Variants in PUDP observed in about 807,000 individuals in gnomAD.
PUDP encodes pseudouridine-5'-phosphatase.
Under a neutral mutation model 9.4 loss-of-function variants are expected in PUDP, and 8 were observed. The ratio of observed to expected loss-of-function variants is 0.85; its 90% CI spans 0.50 to 1.53. PUDP has a LOEUF of 1.53. Among genes scored for constraint, PUDP ranks in the 40% most tolerant of loss-of-function variants. The pLI is 0.00. For synonymous variants in PUDP, 99 were observed against 80.7 expected (o/e 1.23, Z -1.22); for missense variants, 188 against 189.7 (o/e 0.99, Z 0.05).
At chrX:6,755,854 C>T (rs1354793664) in intron 3 of PUDP, among the ~76,000 whole-genome samples, 4 of 109,110 alleles carry the variant, frequency 3.7e-5, no homozygotes, top group Non-Finnish European at 7.6e-5. Context: ...ACGAGAGAGG[C>T]ATCCAAGTGG....
intron 3 of PUDP, among the ~76,000 whole-genome samples, chrX:6,944,747 T>C (rs1416063470): frequency 1.8e-5 from 2 of 111,131 alleles, no homozygotes; most frequent in Non-Finnish European, 3.8e-5. Context: ...ATGGATCCAC[T>C]GGCATGTAGA....
In PUDP at chrX:7,129,963, T is replaced by C. The variant is rs529324365; in HGVS notation, c.61+18090A>G. 8.1e-5 allele frequency among the ~76,000 whole-genome samples: 9 copies of C among 111,561 alleles called. No individual in the cohort carries two copies. In the South Asian group the frequency reaches 3.4e-3, roughly 43 times the overall value. ...ACACGGAGCACCGCCCAACAAATGG[T>C]TATTTTCCATGTTTATCCCCGGCAT... On this transcript the variant is annotated intron_variant, in intron 1 of 3. Coordinates refer to ENST00000381077, the MANE Select transcript of PUDP (RefSeq NM_012080.5).
chrX:6,882,188 T>C lies in PUDP; in HGVS notation c.*247+94945A>G, dbSNP rs147726943. The stretch of plus-strand genomic sequence containing the variant: ...GGGGAATCTCACCACTCCTGTATTG[T>C]GTATCACGTGAGACATTTGATAACA... On this transcript the variant is annotated intron_variant and NMD_transcript_variant, in intron 3 of 3. Transcript: ENST00000655425. 6.9e-4 allele frequency among the ~76,000 whole-genome samples: 76 copies of C among 110,862 alleles called. 1 individual carries two copies. Among genetic ancestry groups the C allele is most frequent in the Non-Finnish European group, 1.4e-3 (72 of 52,958 alleles).
At chrX:6,719,911 A>G (rs1459611615) in intron 1 of PUDP, among the ~76,000 whole-genome samples, 1 of 110,899 alleles carries the variant, frequency 9.0e-6, no homozygotes, top group Non-Finnish European at 1.9e-5. Flanking sequence ...AGGTTCCTCA[A>G]AAAGTTAAAA....
intron 3 of PUDP, among the ~76,000 whole-genome samples, chrX:6,793,726 A>G: frequency 9.0e-6 from 1 of 111,366 alleles, no homozygotes; most frequent in Middle Eastern, 4.7e-3. Flanking sequence ...AACCCCAGCC[A>G]TGGCTAATGC....
At chrX:6,829,384 A>G (rs934070270) in intron 3 of PUDP, among the ~76,000 whole-genome samples, 8 of 111,828 alleles carry the variant, frequency 7.2e-5, no homozygotes, top group Non-Finnish European at 1.5e-4. Flanking sequence ...TACCATGGAA[A>G]TTGAGATTGC....
intron 2 of PUDP, among the ~76,000 whole-genome samples, chrX:7,088,851 T>C (rs1352677392): frequency 1.8e-5 from 2 of 111,943 alleles, no homozygotes; most frequent in Admixed American, 1.9e-4. Context: ...TTCCTTGTGT[T>C]CTAGATGTGC....
intron 3 of PUDP, among the ~76,000 whole-genome samples, chrX:6,918,470 C>A (rs1041674805): frequency 9.3e-5 from 10 of 108,020 alleles, no homozygotes; most frequent in African/African-American, 3.3e-4. Flanking sequence ...AAAAAAAAAA[C>A]ATAATTTATA....
chrX:7,105,969 C>T, intron 1 of PUDP, 131 bp from the exon 2 acceptor site: 1 of 453,088 alleles, frequency 2.2e-6, no homozygotes, highest in Non-Finnish European at 3.7e-6. Flanking sequence ...CCTAAGTGAA[C>T]AGGAGAAAGG....
At chrX:7,147,632 G>A (rs1156282858) in intron 1 of PUDP, among the ~76,000 whole-genome samples, 6 of 112,286 alleles carry the variant, frequency 5.3e-5, no homozygotes, top group African/African-American at 1.9e-4. Context: ...CTTTGCAGAC[G>A]GGGAAGCTGA....
intron 1 of PUDP, among the ~76,000 whole-genome samples, chrX:7,001,991 T>C (rs1929331551): frequency 9.0e-6 from 1 of 111,561 alleles, no homozygotes; most frequent in South Asian, 3.7e-4. Flanking sequence ...AAACTTCAGT[T>C]TGTCAAAAAA....
chrX:6,756,263 C>CA (rs1244662381), intron 3 of PUDP, among the ~76,000 whole-genome samples: 361 of 109,284 alleles, frequency 3.3e-3, no homozygotes, highest in Non-Finnish European at 5.3e-3. Flanking sequence ...CGTATCTATA[C>CA]AAAAAAAAAG....
At chrX:6,906,837 T>C (rs1327668943) in intron 3 of PUDP, among the ~76,000 whole-genome samples, 4 of 111,872 alleles carry the variant, frequency 3.6e-5, no homozygotes, top group Non-Finnish European at 7.5e-5. Context: ...TCCAGCACAC[T>C]GAAAATGCAA....
intron 1 of PUDP, among the ~76,000 whole-genome samples, chrX:7,124,383 G>T (rs1932424002): frequency 8.9e-6 from 1 of 111,884 alleles, no homozygotes; most frequent in African/African-American, 3.2e-5. Context: ...TGCAGCAAAA[G>T]CACTGCGTGG....
At chrX:6,879,172 T>C (rs922351849) in intron 3 of PUDP, among the ~76,000 whole-genome samples, 1 of 111,779 alleles carries the variant, frequency 8.9e-6, no homozygotes, top group East Asian at 2.8e-4. Context: ...CAGGACCATG[T>C]TACCCCATGG....
At position 6,949,694 on chromosome X, in the gene PUDP, G is replaced by T. The variant is rs144746332; in HGVS notation, c.*247+27439C>A. Among the ~76,000 whole-genome samples the T allele has an allele frequency of 5.8e-4, 65 of 112,354 alleles. 1 individual carries two copies. In the East Asian group the frequency reaches 0.017, roughly 29 times the overall value. On this transcript the variant is annotated intron_variant and NMD_transcript_variant, in intron 3 of 3. Transcript: ENST00000655425. Reference sequence around the variant, plus strand: ...AAACTCCCTGTATTAATTGTCTACTGCTGAAAAACAAATTACATCCAAATT... The same window carrying T: ...AAACTCCCTGTATTAATTGTCTACTTCTGAAAAACAAATTACATCCAAATT...
chrX:6,862,037 T>A (rs1927010069), intron 3 of PUDP, among the ~76,000 whole-genome samples: 1 of 111,966 alleles, frequency 8.9e-6, no homozygotes, highest in Non-Finnish European at 1.9e-5. Flanking sequence ...GCTAGCGAAC[T>A]GAGAACGGTC....
At position 6,798,344 on chromosome X, in the gene PUDP, C is replaced by A. The variant is rs1925876414; in HGVS notation, c.*248-91878G>T. 4.5e-5 allele frequency among the ~76,000 whole-genome samples: 5 copies of A among 111,924 alleles called. No homozygotes were observed. In the South Asian group the frequency reaches 1.9e-3, roughly 42 times the overall value. On this transcript the variant is annotated intron_variant and NMD_transcript_variant, in intron 3 of 3. Transcript: ENST00000655425. Reference sequence around the variant, plus strand: ...TGCCCCCATGATACAATCATATCCACCTGGCCGCACCCTTGACACATGGGG... The same window carrying A: ...TGCCCCCATGATACAATCATATCCAACTGGCCGCACCCTTGACACATGGGG...
intron 3 of PUDP, among the ~76,000 whole-genome samples, chrX:6,785,412 A>G (rs190945480): frequency 3.6e-4 from 40 of 112,111 alleles, no homozygotes; most frequent in African/African-American, 1.2e-3. Context: ...TTTCCAAGAG[A>G]TTTCACATTT....
Sources: allele counts gnomAD v4.1 joint callset (sites outside exome capture counted in the v4.1 genomes callset), GRCh38; gene constraint gnomAD v4.1.1; transcripts MANE v1.5; gene names NCBI Gene and HGNC (gene_info 2026-07-23, HGNC 2026-07-21).